The following USO1 variants were observed in gnomAD, a reference collection of about 807,000 sequenced individuals.
The protein encoded by USO1 is USO1 vesicle transport factor, also known as general vesicular transport factor p115.
A neutral mutation model predicts 124.5 loss-of-function variants in USO1; 57 were observed. The ratio of observed to expected loss-of-function variants is 0.46; its 90% CI spans 0.37 to 0.57. The LOEUF is 0.57. USO1 is among the 20% of genes least tolerant of loss of function. The probability of loss-of-function intolerance (pLI) is 0.00; values close to 1 mark genes in which losing one functional copy is unlikely to be tolerated. For synonymous variants in USO1, 369 were observed against 362.8 expected (o/e 1.02, Z -0.19); for missense variants, 900 against 1,040.6 (o/e 0.86, Z 1.86).
chr4:75,770,322 G>A, intron 4 of USO1, 117 bp from the exon 5 acceptor site: 1 of 927,818 alleles, frequency 1.1e-6, no homozygotes, highest in Non-Finnish European at 1.5e-6. Context: ...CAGCCACACT[G>A]TTCCAGTGTT....
intron 1 of USO1, among the ~76,000 whole-genome samples, chr4:75,727,424 C>T (rs1054354601): frequency 2.6e-5 from 4 of 152,150 alleles, no homozygotes; most frequent in African/African-American, 9.7e-5. Context: ...AATTTGTCTT[C>T]TATTTTTTCT....
intron 1 of USO1, among the ~76,000 whole-genome samples, chr4:75,742,215 G>GTACT (rs147224182): frequency 0.013 from 2,014 of 152,258 alleles, 25 homozygotes; most frequent in Non-Finnish European, 0.02. Flanking sequence ...CAAGTATTAT[G>GTACT]TACTGTACAC....
chr4:75,746,942 G>C (rs1721142409), intron 1 of USO1, among the ~76,000 whole-genome samples: 1 of 152,088 alleles, frequency 6.6e-6, no homozygotes, highest in Non-Finnish European at 1.5e-5. Flanking sequence ...ATAATACAAG[G>C]AAGAAAAATA....
intron 1 of USO1, among the ~76,000 whole-genome samples, chr4:75,730,378 C>T (rs1198916645): frequency 1.3e-5 from 2 of 152,058 alleles, no homozygotes; most frequent in African/African-American, 2.4e-5. Context: ...TGTAAGCAGG[C>T]ACTGTGTTAT....
At chr4:75,788,740 C>T (rs1357197394) in intron 10 of USO1, among the ~76,000 whole-genome samples, 1 of 151,844 alleles carries the variant, frequency 6.6e-6, no homozygotes, top group Non-Finnish European at 1.5e-5. Flanking sequence ...GACGGGGTTC[C>T]ACCACATTGG....
intron 1 of USO1, among the ~76,000 whole-genome samples, chr4:75,735,280 T>A (rs1484280370): frequency 6.6e-6 from 1 of 152,180 alleles, no homozygotes; most frequent in Non-Finnish European, 1.5e-5. Flanking sequence ...TTTTTGTACA[T>A]TGATTTTGTA....
chr4:75,755,163 A>G lies in USO1; in HGVS notation c.219-2334A>G, dbSNP rs111365718. ...AAAATAGAAAGCCACAGTGCCTTTT[A>G]TAACTCAATCTCCAGAGTCATGTAC... On this transcript the variant is annotated intron_variant, in intron 3 of 23. Transcript: ENST00000514213. Among the ~76,000 whole-genome samples the G allele has an allele frequency of 7.2e-5, 11 of 152,364 alleles. 1 individual carries two copies. Among genetic ancestry groups the G allele is most frequent in the African/African-American group, 2.6e-4 (11 of 41,586 alleles).
At chr4:75,767,822 G>A (rs1003770093) in intron 4 of USO1, among the ~76,000 whole-genome samples, 1 of 152,112 alleles carries the variant, frequency 6.6e-6, no homozygotes, top group South Asian at 2.1e-4. Flanking sequence ...GAATTGTTTT[G>A]ACTGTTTTAG....
chr4:75,797,310 A>G (rs907674851), intron 13 of USO1, among the ~76,000 whole-genome samples: 1 of 151,822 alleles, frequency 6.6e-6, no homozygotes, highest in African/African-American at 2.4e-5. Flanking sequence ...ATCTTTTTCT[A>G]GATAGCTCTC....
intron 8 of USO1, among the ~76,000 whole-genome samples, chr4:75,775,227 T>A (rs1722040920): frequency 6.6e-6 from 1 of 152,028 alleles, no homozygotes; most frequent in African/African-American, 2.4e-5. Context: ...TTATTGTAAT[T>A]AGGAAGATTT....
In USO1 at chr4:75,805,210, T is replaced by C. The variant is rs1421146872; in HGVS notation, c.2196T>C (p.Ile732=). 3.1e-6 allele frequency: 5 copies of C among 1,613,320 alleles called. No individual in the cohort carries two copies. The highest frequency in any genetic ancestry group is 2.2e-5 in the East Asian group (1 of 44,808). The change falls in exon 19 of 24, where the codon ATT becomes ATC. Residue 732 remains isoleucine, a synonymous_variant. Coordinates refer to ENST00000514213, the MANE Select transcript of USO1 (RefSeq NM_003715.4). ...AQMNGIQPEE[I]GRLREEIEEL... is the part of the protein sequence containing the mutation. ...TGAATGGCATTCAGCCAGAAGAAAT[T>C]GGTAGATTGCGAGAAGAGATAGAAG...
intron 8 of USO1, among the ~76,000 whole-genome samples, chr4:75,778,700 C>T (rs1478539824): frequency 1.3e-5 from 2 of 152,110 alleles, no homozygotes; most frequent in Non-Finnish European, 2.9e-5. Flanking sequence ...ATGGTGGAGA[C>T]AAGAGATTAT....
At chr4:75,768,725 A>T (rs1390053598) in intron 4 of USO1, among the ~76,000 whole-genome samples, 1 of 152,250 alleles carries the variant, frequency 6.6e-6, no homozygotes, top group Non-Finnish European at 1.5e-5. Context: ...AGAGGAAAAC[A>T]TTCAGTCTTT....
chr4:75,766,891 A>G (rs1005421112), intron 4 of USO1, among the ~76,000 whole-genome samples: 4 of 152,220 alleles, frequency 2.6e-5, no homozygotes, highest in African/African-American at 9.6e-5. Flanking sequence ...TACTCAGGAA[A>G]GTATTTAACT....
chr4:75,737,143 G>A (rs1720815293), intron 1 of USO1, among the ~76,000 whole-genome samples: 2 of 152,172 alleles, frequency 1.3e-5, no homozygotes. Flanking sequence ...AAACTACTTG[G>A]CTGAATGCTA....
At chr4:75,725,018 C>T in intron 1 of USO1, 133 bp downstream of exon 1, 3 of 885,450 alleles carry the variant, frequency 3.4e-6, no homozygotes, top group South Asian at 3.3e-5. Flanking sequence ...CCCCCTTTGC[C>T]CTCCTTCCGC....
Position 75,787,097 on chromosome 4 carries a change from T to C in USO1, c.891T>C (p.Pro297=). ...TATTGGTATCTCCCACCAACCCTCC[T>C]GGTGCTACCAGTAGCTGCCAGAAGG... ...VRVLVSPTNP[P]GATSSCQKAM... Residue 297 remains proline, a synonymous_variant, in exon 10 of 24, where the codon CCT becomes CCC. Transcript: ENST00000514213. The C allele has an allele frequency of 6.2e-7, 1 of 1,606,824 alleles. No homozygotes were observed. The highest frequency in any genetic ancestry group is 1.1e-5 in the South Asian group (1 of 89,868).
chr4:75,757,711 C>A, intron 4 of USO1, 138 bp downstream of exon 4: 1 of 788,146 alleles, frequency 1.3e-6, no homozygotes, highest in Non-Finnish European at 1.7e-6. Context: ...ATTTAATAAA[C>A]ACATAGGCTT....
At chr4:75,741,157 G>T (rs576307221) in intron 1 of USO1, among the ~76,000 whole-genome samples, 1 of 152,236 alleles carries the variant, frequency 6.6e-6, no homozygotes, top group African/African-American at 2.4e-5. Context: ...CCTGTACAGC[G>T]TGTTACTGTA....
Sources: allele counts gnomAD v4.1 joint callset (sites outside exome capture counted in the v4.1 genomes callset), GRCh38; gene constraint gnomAD v4.1.1; transcripts MANE v1.5; gene names NCBI Gene and HGNC (gene_info 2026-07-23, HGNC 2026-07-21).